The following BMAL2 variants were observed in gnomAD, a reference collection of about 807,000 sequenced individuals.
The protein encoded by BMAL2 is basic helix-loop-helix ARNT like 2, also known as basic helix-loop-helix ARNT-like protein 2.
At chr12:27,413,977 C>G in the BMAL2 span, among the ~76,000 whole-genome samples, 1 of 151,918 alleles carries the variant, frequency 6.6e-6, no homozygotes, top group Admixed American at 6.6e-5. Flanking sequence ...GGCTGTAGTG[C>G]ACTGTTACCA....
chr12:27,363,088 G>A, the BMAL2 span, among the ~76,000 whole-genome samples: 4 of 152,100 alleles, frequency 2.6e-5, no homozygotes, highest in African/African-American at 7.2e-5. Context: ...GGGATTACAG[G>A]CATGAGCCAC....
At chr12:27,379,807 G>A in the BMAL2 span, among the ~76,000 whole-genome samples, 2 of 148,788 alleles carry the variant, frequency 1.3e-5, no homozygotes, top group African/African-American at 4.9e-5. Context: ...TAGTGAAAGG[G>A]TTTTTTTTTT....
chr12:27,395,854 C>T, the BMAL2 span, among the ~76,000 whole-genome samples: 1 of 152,186 alleles, frequency 6.6e-6, no homozygotes, highest in African/African-American at 2.4e-5. Context: ...TAGACTCTGC[C>T]TCCCAACAGC....
the BMAL2 span, among the ~76,000 whole-genome samples, chr12:27,360,437 A>G: frequency 2.0e-5 from 3 of 151,994 alleles, no homozygotes; most frequent in Non-Finnish European, 4.4e-5. Context: ...CTTGATAATT[A>G]TGCTGGGGTT....
chr12:27,406,023 TGAG>T, the BMAL2 span, among the ~76,000 whole-genome samples: 1 of 152,046 alleles, frequency 6.6e-6, no homozygotes, highest in Non-Finnish European at 1.5e-5. Context: ...TGAAATGAAG[TGAG>T]AAGAGACGTT....
chr12:27,391,688 A>G, the BMAL2 span, among the ~76,000 whole-genome samples: 6 of 152,186 alleles, frequency 3.9e-5, no homozygotes, highest in Non-Finnish European at 8.8e-5. Flanking sequence ...TCTTATCTCT[A>G]TTTTAGAATC....
At chr12:27,381,098 C>T in the BMAL2 span, among the ~76,000 whole-genome samples, 8 of 152,160 alleles carry the variant, frequency 5.3e-5, no homozygotes, top group Non-Finnish European at 1.2e-4. Context: ...TTCAGATTTA[C>T]GAGTAGTACC....
At chr12:27,357,497 C>T in the BMAL2 span, among the ~76,000 whole-genome samples, 4 of 152,236 alleles carry the variant, frequency 2.6e-5, no homozygotes, top group East Asian at 5.8e-4. Flanking sequence ...TCATTCTTCA[C>T]AGAACTAGAA....
At chr12:27,361,711 C>T in the BMAL2 span, among the ~76,000 whole-genome samples, 3 of 152,222 alleles carry the variant, frequency 2.0e-5, no homozygotes, top group African/African-American at 7.2e-5. Flanking sequence ...TAAGAATCTG[C>T]AACATGGAGA....
chr12:27,409,765 G>C, the BMAL2 span, among the ~76,000 whole-genome samples: 1 of 151,860 alleles, frequency 6.6e-6, no homozygotes, highest in African/African-American at 2.4e-5. Flanking sequence ...AAACTAAAGA[G>C]CTTCTGCACA....
chr12:27,341,178 T>TGA, the BMAL2 span, among the ~76,000 whole-genome samples: 1 of 152,322 alleles, frequency 6.6e-6, no homozygotes, highest in Middle Eastern at 3.4e-3. Context: ...CATCCTTGTC[T>TGA]TGTGCCAGTT....
the BMAL2 span, among the ~76,000 whole-genome samples, chr12:27,378,935 G>T: frequency 2.0e-5 from 3 of 152,028 alleles, no homozygotes; most frequent in South Asian, 6.2e-4. Context: ...CTAAACCAGG[G>T]GTATCCAATC....
the BMAL2 span, among the ~76,000 whole-genome samples, chr12:27,382,689 A>C: frequency 1.3e-5 from 2 of 152,188 alleles, no homozygotes; most frequent in Middle Eastern, 3.2e-3. Flanking sequence ...GCATCCCCAC[A>C]CTTGCTCGGC....
the BMAL2 span, among the ~76,000 whole-genome samples, chr12:27,392,688 A>G: frequency 9.9e-5 from 15 of 152,212 alleles, no homozygotes; most frequent in Non-Finnish European, 1.3e-4. Flanking sequence ...AGAGGAAAAC[A>G]TGACAGCCAA....
the BMAL2 span, among the ~76,000 whole-genome samples, chr12:27,411,941 T>C: frequency 6.6e-6 from 1 of 152,218 alleles, no homozygotes; most frequent in African/African-American, 2.4e-5. Flanking sequence ...CATGAGGCTG[T>C]TCCACTATTT....
the BMAL2 span, among the ~76,000 whole-genome samples, chr12:27,393,997 T>C: frequency 6.8e-4 from 103 of 152,322 alleles, 1 homozygote; most frequent in African/African-American, 1.9e-3. Context: ...AGTGGTGCAG[T>C]CATAGCTCAC....
At chr12:27,390,514 A>C in the BMAL2 span, 1 of 316,168 alleles carries the variant, frequency 3.2e-6, no homozygotes, top group South Asian at 4.1e-5. Flanking sequence ...AAAAATGACA[A>C]GAGATGGAAA....
the BMAL2 span, chr12:27,400,503 C>A: frequency 6.6e-7 from 1 of 1,505,732 alleles, no homozygotes; most frequent in Non-Finnish European, 8.9e-7. Context: ...TATAATGATC[C>A]AAATGTCCTT....
At chr12:27,374,344 A>G in the BMAL2 span, among the ~76,000 whole-genome samples, 4 of 152,240 alleles carry the variant, frequency 2.6e-5, no homozygotes, top group African/African-American at 4.8e-5. Context: ...ACAATACCAT[A>G]TAACAACAAT....
Sources: allele counts gnomAD v4.1 joint callset (sites outside exome capture counted in the v4.1 genomes callset), GRCh38; gene constraint gnomAD v4.1.1; transcripts MANE v1.5; gene names NCBI Gene and HGNC (gene_info 2026-07-23, HGNC 2026-07-21).